Variants in PRKAG2 observed in about 807,000 individuals in gnomAD.
PRKAG2 encodes the protein protein kinase AMP-activated non-catalytic subunit gamma 2.
A neutral mutation model predicts 69.6 loss-of-function variants in PRKAG2; 26 were observed. That is an observed-to-expected ratio of 0.37 (90% CI 0.27 to 0.52). The LOEUF is 0.52. Ranked by LOEUF, PRKAG2 falls within the 20% of genes least tolerant of loss-of-function variation. PRKAG2 has a pLI of 0.90. For missense variants in PRKAG2, 557 were observed against 740.0 expected (o/e 0.75, Z 2.87); for synonymous variants, 293 against 285.0 (o/e 1.03, Z -0.28).
chr7:151,687,375 G>A (rs564482082), intron 3 of PRKAG2, among the ~76,000 whole-genome samples: 1 of 152,238 alleles, frequency 6.6e-6, no homozygotes, highest in South Asian at 2.1e-4. Flanking sequence ...TTGTGAGAGA[G>A]AGAAATTCTG....
At chr7:151,796,975 G>A (rs1306451081) in intron 1 of PRKAG2, among the ~76,000 whole-genome samples, 1 of 152,058 alleles carries the variant, frequency 6.6e-6, no homozygotes, top group Non-Finnish European at 1.5e-5. Context: ...CAAATAAAAT[G>A]CCAAACCACC....
chr7:151,675,196 C>T, intron 4 of PRKAG2: 1 of 557,206 alleles, frequency 1.8e-6, no homozygotes, highest in Non-Finnish European at 3.3e-6. Flanking sequence ...GCTGGGACTA[C>T]AGGTGTGAGC....
chr7:151,560,313 T>C (rs1163030268), intron 15 of PRKAG2: 4 of 1,468,022 alleles, frequency 2.7e-6, no homozygotes, highest in Non-Finnish European at 3.6e-6. Flanking sequence ...AGGATGCTCT[T>C]AACTTCGAAT....
In PRKAG2 at chr7:151,560,563, G is replaced by A. The variant is rs751478382; in HGVS notation, c.1639C>T (p.Leu547=). 6.2e-7 allele frequency: 1 copy of A among 1,614,070 alleles called. No homozygotes were observed. The highest frequency in any genetic ancestry group is 2.2e-5 in the East Asian group (1 of 44,882). ...EADSIVGIIS[L]SDILQALILT... ...ATCAGGGCTTGCAGAATGTCCGACA[G>A]GGAAATAATACCCACAATACTATCT... Residue 547 remains leucine, a synonymous_variant, in exon 15 of 16, where the codon CTG becomes TTG. Coordinates refer to ENST00000287878, the MANE Select transcript of PRKAG2 (RefSeq NM_016203.4).
chr7:151,783,185 C>T (rs1264758539), intron 2 of PRKAG2, among the ~76,000 whole-genome samples: 2 of 152,226 alleles, frequency 1.3e-5, no homozygotes, highest in Admixed American at 6.5e-5. Flanking sequence ...CCTCCCCGCG[C>T]GGCCTCTCCA....
At chr7:151,611,514 A>G (rs1818856537) in intron 5 of PRKAG2, among the ~76,000 whole-genome samples, 1 of 152,198 alleles carries the variant, frequency 6.6e-6, no homozygotes, top group Admixed American at 6.5e-5. Flanking sequence ...GGAAACTGAA[A>G]TATCAATTAA....
intron 5 of PRKAG2, among the ~76,000 whole-genome samples, chr7:151,621,559 G>C (rs552290179): frequency 3.3e-5 from 5 of 152,180 alleles, no homozygotes; most frequent in African/African-American, 9.6e-5. Context: ...AAAATAGTTT[G>C]AGATATAATT....
intron 1 of PRKAG2, among the ~76,000 whole-genome samples, chr7:151,811,714 C>T (rs2078429150): frequency 6.6e-6 from 1 of 152,202 alleles, no homozygotes; most frequent in African/African-American, 2.4e-5. Flanking sequence ...CAAGCCTGCC[C>T]ACTAGGAAGG....
chr7:151,826,174 CTTTT>C (rs946438841), intron 1 of PRKAG2, among the ~76,000 whole-genome samples: 1 of 149,656 alleles, frequency 6.7e-6, no homozygotes, highest in African/African-American at 2.5e-5. Flanking sequence ...TCCAGTTCCA[CTTTT>C]TTTTTTGTTG....
rs1806593352 is a variant in PRKAG2, at chr7:151,567,776, T to C, written c.1233+940A>G. ...CAAGACTGGGTTGATTGACAAGGTATTTCTCTCCATCACTAAGCCCTCTGT... is the reference window on the plus strand; with the variant it reads ...CAAGACTGGGTTGATTGACAAGGTACTTCTCTCCATCACTAAGCCCTCTGT... On this transcript the variant is annotated intron_variant, in intron 11 of 15. Coordinates refer to ENST00000287878, the MANE Select transcript of PRKAG2 (RefSeq NM_016203.4). The surrounding 1 kb of genome is among the most constrained non-coding windows in gnomAD (Gnocchi z 4.2). Among the ~76,000 whole-genome samples the C allele has an allele frequency of 6.6e-6, 1 of 152,206 alleles. No individual in the cohort carries two copies.
In PRKAG2 at chr7:151,722,592, C is replaced by T. The variant is rs935017096; in HGVS notation, c.467-46955G>A. Among the ~76,000 whole-genome samples the T allele has an allele frequency of 2.6e-5, 4 of 152,028 alleles. 1 individual carries two copies. The highest frequency in any genetic ancestry group is 7.2e-5 in the African/African-American group (3 of 41,384). On this transcript the variant is annotated intron_variant, in intron 3 of 15. Transcript: ENST00000287878. ...ATGCTAGACTTTAGCAGGTGAGTGG[C>T]GGGGGTAGGATCCTGTCTATTCTCC... is the stretch of plus-strand genomic sequence containing the variant.
At chr7:151,787,724 C>G (rs866662077) in intron 1 of PRKAG2, among the ~76,000 whole-genome samples, 1 of 152,140 alleles carries the variant, frequency 6.6e-6, no homozygotes, top group African/African-American at 2.4e-5. Context: ...AGTCCTGCCC[C>G]CCAGGACCTC....
intron 3 of PRKAG2, among the ~76,000 whole-genome samples, chr7:151,757,689 C>A (rs910018864): frequency 6.6e-6 from 1 of 152,200 alleles, no homozygotes; most frequent in East Asian, 1.9e-4. Flanking sequence ...AAACCAGACT[C>A]GCCTCAAAGG....
Position 151,726,577 on chromosome 7 carries a change from C to T in PRKAG2, c.467-50940G>A, listed in dbSNP as rs139365113. On this transcript the variant is annotated intron_variant, in intron 3 of 15. Transcript: ENST00000287878. The stretch of plus-strand genomic sequence containing the variant: ...CGGTGTCCATTAACAACTGGACGGA[C>T]GCAGGAGTCGTTGTCTGGGCAGACA... 5.3e-4 allele frequency among the ~76,000 whole-genome samples: 80 copies of T among 152,228 alleles called. No homozygotes were observed. In the East Asian group the frequency reaches 0.013, roughly 25 times the overall value.
chr7:151,645,646 T>TTC (rs2151380152), intron 4 of PRKAG2, among the ~76,000 whole-genome samples: 1 of 152,322 alleles, frequency 6.6e-6, no homozygotes, highest in South Asian at 2.1e-4. Context: ...AGTGAATATT[T>TTC]TCTCTCCTTC....
chr7:151,805,518 T>C (rs77811623), intron 1 of PRKAG2, among the ~76,000 whole-genome samples: 1,639 of 152,324 alleles, frequency 0.011, 31 homozygotes, highest in African/African-American at 0.038. Flanking sequence ...CAATAGGTGA[T>C]CTTGTGACTA....
intron 1 of PRKAG2, among the ~76,000 whole-genome samples, chr7:151,870,158 C>T (rs55969839): frequency 0.51 from 55,854 of 110,358 alleles, 12,511 homozygotes; most frequent in Admixed American, 0.54. Flanking sequence ...GATAGATAGG[C>T]AGGCAGGCAG....
intron 4 of PRKAG2, among the ~76,000 whole-genome samples, chr7:151,654,788 A>T (rs770130079): frequency 2.6e-5 from 4 of 152,150 alleles, no homozygotes; most frequent in Non-Finnish European, 4.4e-5. Context: ...CATCTCCTGG[A>T]TTCGAGCTGT....
At position 151,756,510 on chromosome 7, in the gene PRKAG2, C is replaced by T. The variant is rs888208970; in HGVS notation, c.466+24642G>A. Among the ~76,000 whole-genome samples the T allele has an allele frequency of 1.3e-5, 2 of 152,252 alleles. No individual in the cohort carries two copies. The highest frequency in any genetic ancestry group is 4.8e-5 in the African/African-American group (2 of 41,470). ...CTCTCATGCTCAATCCTCACCCCTA[C>T]TCTGCCTGGATGCAGGGGCTGACCT... On this transcript the variant is annotated intron_variant, in intron 3 of 15. Transcript: ENST00000287878. This position sits in a 1 kb window ranked among gnomAD's most constrained non-coding sequence, Gnocchi z 4.9.
Sources: allele counts gnomAD v4.1 joint callset (sites outside exome capture counted in the v4.1 genomes callset), GRCh38; gene constraint gnomAD v4.1.1; non-coding constraint Gnocchi (gnomAD v3.1); transcripts MANE v1.5; gene names NCBI Gene and HGNC (gene_info 2026-07-23, HGNC 2026-07-21).